Variants in PCDHGC3 observed in about 807,000 individuals in gnomAD.
PCDHGC3 encodes the protein protocadherin gamma subfamily C, 3.
In PCDHGC3, 26 loss-of-function variants were observed where a neutral mutation model predicts 59.2. The ratio of observed to expected loss-of-function variants is 0.44; its 90% confidence interval spans 0.32 to 0.61. PCDHGC3 has a LOEUF of 0.61. PCDHGC3 is among the 20% of genes least tolerant of loss of function. PCDHGC3 has a pLI of 0.05. For synonymous variants in PCDHGC3, 487 were observed against 519.7 expected (o/e 0.94, Z 0.86); for missense variants, 1,080 against 1,221.8 (o/e 0.88, Z 1.73).
rs2099750571 is a variant in PCDHGC3, at chr5:141,493,878, T to A, written c.2431-929T>A. On this transcript the variant is annotated intron_variant, in intron 1 of 3. Coordinates refer to ENST00000308177, the MANE Select transcript of PCDHGC3 (RefSeq NM_002588.4). This position sits in a 1 kb window ranked among gnomAD's most constrained non-coding sequence, Gnocchi z 4.3. ...GCCCACCCCAGAACCAGTGAGGAGG[T>A]GGCTCTAGGAGTGCTCCATGAGAGT... is the stretch of plus-strand genomic sequence containing the variant. 6.6e-6 allele frequency among the ~76,000 whole-genome samples: 1 copy of A among 152,072 alleles called. No homozygotes were observed. The highest frequency in any genetic ancestry group is 6.6e-5 in the Admixed American group (1 of 15,264).
Position 141,485,227 on chromosome 5 carries a change from G to T in PCDHGC3, c.2430+6681G>T. Reference sequence around the variant, plus strand: ...AAATCTGGCGGTGGGCTACCCTTTTGTTCCTCTTTTACCACCTGGGTTACG... The same window carrying T: ...AAATCTGGCGGTGGGCTACCCTTTTTTTCCTCTTTTACCACCTGGGTTACG... On this transcript the variant is annotated intron_variant, in intron 1 of 3. Transcript: ENST00000308177. The surrounding 1 kb of genome is among the most constrained non-coding windows in gnomAD (Gnocchi z 5.7). The T allele has an allele frequency of 6.2e-7, 1 of 1,614,186 alleles. No individual in the cohort carries two copies. Among genetic ancestry groups the T allele is most frequent in the Non-Finnish European group, 8.5e-7 (1 of 1,180,020 alleles).
rs781367282 is a variant in PCDHGC3 at position 141,485,525 on chromosome 5, C to G, written c.2430+6979C>G. On this transcript the variant is annotated intron_variant, in intron 1 of 3. Transcript: ENST00000308177. This position sits in a 1 kb window ranked among gnomAD's most constrained non-coding sequence, Gnocchi z 5.7. ...CACCGAAGGTCCTTTGGAAATGTAC[C>G]GAGCAGAGGTAGAGATCGTAGATGT... is the stretch of plus-strand genomic sequence containing the variant. 5 of 1,614,122 alleles carry G rather than the reference C, an allele frequency of 3.1e-6. No homozygotes were observed. The highest frequency in any genetic ancestry group is 2.5e-6 in the Non-Finnish European group (3 of 1,180,022).
Position 141,477,020 on chromosome 5 carries a change from G to C in PCDHGC3, c.904G>C (p.Gly302Arg), listed in dbSNP as rs1383192345. The C allele has an allele frequency of 6.2e-7, 1 of 1,614,224 alleles. No homozygotes were observed. The highest frequency in any genetic ancestry group is 8.5e-7 in the Non-Finnish European group (1 of 1,180,048). The change falls in exon 1 of 4, where the codon GGG becomes CGG. Residue 302 changes from glycine (G) to arginine (R), a missense_variant. Coordinates refer to ENST00000308177, the MANE Select transcript of PCDHGC3 (RefSeq NM_002588.4). The surrounding 1 kb of genome is among the most constrained non-coding windows in gnomAD (Gnocchi z 4.9). ...ACTATTCGCCTTAGACCTTGTAACC[G>C]GGATGCTGACAATCAAGGGTCGGCT... ...RQLFALDLVTGMLTIKGRLDF... is the reference protein window; with the variant it reads ...RQLFALDLVTRMLTIKGRLDF...
intron 2 of PCDHGC3, among the ~76,000 whole-genome samples, chr5:141,495,700 T>A (rs2099763052): frequency 6.6e-6 from 1 of 152,228 alleles, no homozygotes; most frequent in Non-Finnish European, 1.5e-5. Flanking sequence ...GCTCAATAAA[T>A]GTGGAGTGAG....
At chr5:141,503,116 A>G (rs1303445673) in intron 2 of PCDHGC3, among the ~76,000 whole-genome samples, 11 of 151,656 alleles carry the variant, frequency 7.3e-5, no homozygotes, top group Admixed American at 4.6e-4. Flanking sequence ...GCCTCTCTTC[A>G]TACCCTCTGG....
In PCDHGC3 at chr5:141,491,105, C is replaced by T; in HGVS notation, c.2431-3702C>T. ...ACAGCCCCAGGACTGTTCCTCGTGTCTACACACACTGGTGAGGTGCGCACA... is the reference window on the plus strand; with the variant it reads ...ACAGCCCCAGGACTGTTCCTCGTGTTTACACACACTGGTGAGGTGCGCACA... On this transcript the variant is annotated intron_variant, in intron 1 of 3. Transcript: ENST00000308177. This position sits in a 1 kb window ranked among gnomAD's most constrained non-coding sequence, Gnocchi z 6.9. 1 of 1,614,222 alleles carries T rather than the reference C, an allele frequency of 6.2e-7. No individual in the cohort carries two copies. Among genetic ancestry groups the T allele is most frequent in the Non-Finnish European group, 8.5e-7 (1 of 1,180,032 alleles).
chr5:141,490,517 C>T lies in PCDHGC3; in HGVS notation c.2431-4290C>T. 6.2e-7 allele frequency: 1 copy of T among 1,613,972 alleles called. No homozygotes were observed. The highest frequency in any genetic ancestry group is 2.2e-5 in the East Asian group (1 of 44,854). ...TCCCACTATATCATCGAGCTGCTGG[C>T]CAGCGATGCTGGTTCACCTTCCCTA... On this transcript the variant is annotated intron_variant, in intron 1 of 3. Coordinates refer to ENST00000308177, the MANE Select transcript of PCDHGC3 (RefSeq NM_002588.4). The surrounding 1 kb of genome is among the most constrained non-coding windows in gnomAD (Gnocchi z 5.4).
chr5:141,483,711 A>G (rs1258383632), intron 1 of PCDHGC3, among the ~76,000 whole-genome samples: 2 of 152,122 alleles, frequency 1.3e-5, no homozygotes, highest in African/African-American at 2.4e-5. Context: ...TGACACCAGA[A>G]TATTGGTTCC....
intron 2 of PCDHGC3, among the ~76,000 whole-genome samples, chr5:141,497,522 G>A (rs998999424): frequency 3.3e-5 from 5 of 150,848 alleles, no homozygotes; most frequent in African/African-American, 4.9e-5. Flanking sequence ...TAGTTAACTT[G>A]TGGAGGATGC....
intron 1 of PCDHGC3, 88 bp from the exon 2 acceptor site, chr5:141,494,719 C>T: frequency 6.2e-7 from 1 of 1,605,960 alleles, no homozygotes; most frequent in Non-Finnish European, 8.5e-7. Flanking sequence ...CCACTCCCCT[C>T]CTTCTCTCCC....
intron 2 of PCDHGC3, among the ~76,000 whole-genome samples, chr5:141,502,947 G>A (rs933409229): frequency 3.0e-4 from 45 of 151,030 alleles, no homozygotes; most frequent in Admixed American, 1.8e-3. Context: ...GGGTTCAAGC[G>A]ATTCTCCTGC....
At position 141,487,991 on chromosome 5, in the gene PCDHGC3, G is replaced by C. The variant is rs932744807; in HGVS notation, c.2431-6816G>C. ...GCTGTTTTCTCTACTCTTCCTGAAA[G>C]AGGGGATCAGATTCTGAAGTACCTT... On this transcript the variant is annotated intron_variant, in intron 1 of 3. Coordinates refer to ENST00000308177, the MANE Select transcript of PCDHGC3 (RefSeq NM_002588.4). The surrounding 1 kb of genome is among the most constrained non-coding windows in gnomAD (Gnocchi z 5.0). 2.6e-5 allele frequency among the ~76,000 whole-genome samples: 4 copies of C among 152,194 alleles called. No homozygotes were observed. The highest frequency in any genetic ancestry group is 4.4e-5 in the Non-Finnish European group (3 of 68,030).
chr5:141,497,060 G>A (rs1244885752), intron 2 of PCDHGC3, among the ~76,000 whole-genome samples: 1 of 151,952 alleles, frequency 6.6e-6, no homozygotes, highest in African/African-American at 2.4e-5. Context: ...GTGGTGGCAG[G>A]CACCTGTAAT....
In PCDHGC3 at chr5:141,511,188, C is replaced by A; in HGVS notation, c.*15C>A. 1 of 1,613,804 alleles carries A rather than the reference C, an allele frequency of 6.2e-7. No homozygotes were observed. ...AGAAGAAGTAACATGGAGGCCAGGC[C>A]AAGAGCCACAGGGCGGCCTCTCCCC... On this transcript the variant is annotated 3_prime_UTR_variant, in exon 4 of 4. Transcript: ENST00000308177.
chr5:141,498,971 G>GGGAAGGAAGGAAGGAAGGAAGGAA (rs201769957), intron 2 of PCDHGC3, among the ~76,000 whole-genome samples: 2 of 110,972 alleles, frequency 1.8e-5, no homozygotes, highest in African/African-American at 3.6e-5. Context: ...GAGGGAGGGA[G>GGGAAGGAAGGAAGGAAGGAAGGAA]GGAAGGAAGG....
In PCDHGC3 at chr5:141,490,275, C is replaced by A; in HGVS notation, c.2431-4532C>A. 6.2e-7 allele frequency: 1 copy of A among 1,614,238 alleles called. No individual in the cohort carries two copies. The highest frequency in any genetic ancestry group is 8.5e-7 in the Non-Finnish European group (1 of 1,180,044). On this transcript the variant is annotated intron_variant, in intron 1 of 3. Transcript: ENST00000308177. The surrounding 1 kb of genome is among the most constrained non-coding windows in gnomAD (Gnocchi z 5.4). Reference sequence around the variant, plus strand: ...AAGTGGATGTGGGGGATGTCAATGACAATGCCCCAGAGGTGCTATTGGCCT... The same window carrying A: ...AAGTGGATGTGGGGGATGTCAATGAAAATGCCCCAGAGGTGCTATTGGCCT...
At chr5:141,482,840 G>A (rs1343123459) in intron 1 of PCDHGC3, among the ~76,000 whole-genome samples, 2 of 152,212 alleles carry the variant, frequency 1.3e-5, no homozygotes, top group Admixed American at 6.5e-5. Context: ...GGGAGGCCAA[G>A]GTGGGCAGAT....
chr5:141,493,983 A>G lies in PCDHGC3; in HGVS notation c.2431-824A>G, dbSNP rs2099751203. Among the ~76,000 whole-genome samples the G allele has an allele frequency of 6.6e-6, 1 of 152,194 alleles. No homozygotes were observed. The highest frequency in any genetic ancestry group is 6.5e-5 in the Admixed American group (1 of 15,278). ...TGGCTGGCCAGAGCCCCACACCTTC[A>G]GCTAGGTGGGAGATGGCTACACATC... On this transcript the variant is annotated intron_variant, in intron 1 of 3. Coordinates refer to ENST00000308177, the MANE Select transcript of PCDHGC3 (RefSeq NM_002588.4). The surrounding 1 kb of genome is among the most constrained non-coding windows in gnomAD (Gnocchi z 4.3).
chr5:141,476,950 A>T lies in PCDHGC3; in HGVS notation c.834A>T (p.Glu278Asp), dbSNP rs1224572890. 2 of 1,614,158 alleles carry T rather than the reference A, an allele frequency of 1.2e-6. No homozygotes were observed. The highest frequency in any genetic ancestry group is 4.5e-5 in the East Asian group (2 of 44,878). ...ATCTGGATGAAGGCCCCAACGGTGA[A>T]ATTATTTACTCCTTCGGCAGCCACA... ...ATDLDEGPNGEIIYSFGSHNR... is the reference protein window; with the variant it reads ...ATDLDEGPNGDIIYSFGSHNR... Residue 278 changes from glutamate (E) to aspartate (D), a missense_variant, in exon 1 of 4, where the codon GAA becomes GAT. Transcript: ENST00000308177. The surrounding 1 kb of genome is among the most constrained non-coding windows in gnomAD (Gnocchi z 7.6).
Sources: allele counts gnomAD v4.1 joint callset (sites outside exome capture counted in the v4.1 genomes callset), GRCh38; gene constraint gnomAD v4.1.1; non-coding constraint Gnocchi (gnomAD v3.1); transcripts MANE v1.5; gene names NCBI Gene and HGNC (gene_info 2026-07-23, HGNC 2026-07-21).